Variants in PSD2 observed in about 807,000 individuals in gnomAD.
The protein encoded by PSD2 is pleckstrin and Sec7 domain containing 2, also known as PH and SEC7 domain-containing protein 2.
A neutral mutation model predicts 69.8 loss-of-function variants in PSD2; 38 were observed. The ratio of observed to expected loss-of-function variants is 0.54; its 90% confidence interval spans 0.42 to 0.71. The LOEUF (loss-of-function observed/expected upper bound fraction) is 0.71. PSD2 is among the 30% of genes least tolerant of loss of function. The probability of loss-of-function intolerance (pLI) is 0.00; values close to 1 mark genes in which losing one functional copy is unlikely to be tolerated. For synonymous variants in PSD2, 412 were observed against 423.0 expected (o/e 0.97, Z 0.32); for missense variants, 943 against 1,014.5 (o/e 0.93, Z 0.96).
the PSD2 span, among the ~76,000 whole-genome samples, chr5:139,762,247 T>G: frequency 6.6e-6 from 1 of 152,102 alleles, no homozygotes; most frequent in South Asian, 2.1e-4. Context: ...TTCACCATGT[T>G]GGTCAGGCTG....
intron 14 of PSD2, 71 bp from the exon 15 acceptor site, chr5:139,842,200 T>C (rs1760885709): frequency 1.6e-6 from 2 of 1,286,722 alleles, no homozygotes; most frequent in African/African-American, 2.9e-5. Flanking sequence ...AATTAGTCTT[T>C]TGTCATATAA....
Position 139,795,928 on chromosome 5 carries a change from C to T in PSD2, c.-98C>T, listed in dbSNP as rs2094934187. On this transcript the variant is annotated 5_prime_UTR_variant, in exon 1 of 15. Coordinates refer to ENST00000274710, the MANE Select transcript of PSD2 (RefSeq NM_032289.4). The surrounding 1 kb of genome is among the most constrained non-coding windows in gnomAD (Gnocchi z 4.5). ...GCGGGACAGGCAGCCCGGCGGCCTC[C>T]GATGGCCCCGCCGTGAGAGGCCGGA... 6.6e-6 allele frequency: 1 copy of T among 150,566 alleles called. No individual in the cohort carries two copies. Among genetic ancestry groups the T allele is most frequent in the African/African-American group, 2.4e-5 (1 of 41,264 alleles). 9.3% of individuals were successfully genotyped at this position (150,566 alleles called of 1,614,324 possible). A position where few individuals can be genotyped will look rare whatever the true frequency, so the allele number is the denominator to read the frequency against.
At chr5:139,756,629 G>T in the PSD2 span, among the ~76,000 whole-genome samples, 1 of 152,218 alleles carries the variant, frequency 6.6e-6, no homozygotes, top group Non-Finnish European at 1.5e-5. Context: ...ACTCAGCAGA[G>T]CGCCCTAGGA....
intron 7 of PSD2, among the ~76,000 whole-genome samples, chr5:139,830,573 T>C (rs372906322): frequency 0.053 from 3,660 of 69,054 alleles, 121 homozygotes; most frequent in African/African-American, 0.14. Context: ...TTCCTTTCTT[T>C]CTTTCTTTCT....
At chr5:139,819,852 T>C (rs1297312070) in intron 5 of PSD2, among the ~76,000 whole-genome samples, 1 of 151,944 alleles carries the variant, frequency 6.6e-6, no homozygotes, top group Non-Finnish European at 1.5e-5. Flanking sequence ...TGATCAGAGG[T>C]GTGGGTGCTA....
intron 8 of PSD2, among the ~76,000 whole-genome samples, chr5:139,834,586 C>A (rs1760671619): frequency 6.6e-6 from 1 of 151,992 alleles, no homozygotes; most frequent in South Asian, 2.1e-4. Context: ...CAGGCGTAAG[C>A]CACCACACCC....
chr5:139,793,738 C>T (rs1362512396), upstream of PSD2, among the ~76,000 whole-genome samples: 1 of 152,226 alleles, frequency 6.6e-6, no homozygotes, highest in Non-Finnish European at 1.5e-5. Flanking sequence ...TTAAATAGTG[C>T]ATTCCATGAG....
At chr5:139,781,548 A>G in the PSD2 span, among the ~76,000 whole-genome samples, 1 of 151,612 alleles carries the variant, frequency 6.6e-6, no homozygotes, top group Non-Finnish European at 1.5e-5. Context: ...TGTTAGCCAG[A>G]GTGGTCTTGA....
chr5:139,771,679 C>T, the PSD2 span, among the ~76,000 whole-genome samples: 1 of 152,136 alleles, frequency 6.6e-6, no homozygotes, highest in Admixed American at 6.5e-5. Flanking sequence ...CGCCCCGCAG[C>T]CTGCTTTCCT....
the PSD2 span, among the ~76,000 whole-genome samples, chr5:139,785,657 G>A: frequency 1.3e-5 from 2 of 152,186 alleles, no homozygotes; most frequent in Admixed American, 6.5e-5. Flanking sequence ...AGGAGGGCAA[G>A]GATTTTTGTG....
At chr5:139,767,284 C>T in the PSD2 span, among the ~76,000 whole-genome samples, 3 of 151,666 alleles carry the variant, frequency 2.0e-5, no homozygotes, top group Non-Finnish European at 4.4e-5. Context: ...TGAGCCACCG[C>T]ACCCAGCCAC....
At position 139,837,183 on chromosome 5, in the gene PSD2, G is replaced by A. The variant is rs1384967216; in HGVS notation, c.1610G>A (p.Arg537His). Residue 537 changes from arginine to histidine, a missense_variant, in exon 11 of 15, where the codon CGT (arginine) becomes CAT (histidine). This residue lies in a region of PSD2 where 312 missense variants were observed against 400.7 expected (regional missense o/e 0.78). Coordinates refer to ENST00000274710, the MANE Select transcript of PSD2 (RefSeq NM_032289.4). The surrounding 1 kb of genome is among the most constrained non-coding windows in gnomAD (Gnocchi z 5.0). ...MDGKRTPRGR[R>H]GWKKFYAVLK... The stretch of plus-strand genomic sequence containing the variant: ...TCCTCCCCAGCGCCCCGTGGGAGGC[G>A]TGGCTGGAAGAAATTCTACGCAGTG... 3.7e-6 allele frequency: 6 copies of A among 1,613,984 alleles called. No homozygotes were observed. The highest frequency in any genetic ancestry group is 1.1e-5 in the South Asian group (1 of 91,086).
At chr5:139,760,851 T>C in the PSD2 span, among the ~76,000 whole-genome samples, 10 of 152,164 alleles carry the variant, frequency 6.6e-5, no homozygotes, top group Middle Eastern at 3.4e-3. Context: ...CAATAGAGAA[T>C]GATGTACTGA....
chr5:139,802,106 A>G (rs971241112), intron 1 of PSD2, among the ~76,000 whole-genome samples: 6 of 151,804 alleles, frequency 4.0e-5, no homozygotes, highest in African/African-American at 1.5e-4. Context: ...ACAAGACTGG[A>G]CAGGGAAGAG....
At chr5:139,836,654 T>C (rs1561608052) in intron 9 of PSD2, among the ~76,000 whole-genome samples, 157 bp from the exon 10 acceptor site, 1 of 152,036 alleles carries the variant, frequency 6.6e-6, no homozygotes, top group African/African-American at 2.4e-5. Context: ...GAGATCTGGA[T>C]CTGTGGTCTG....
the PSD2 span, among the ~76,000 whole-genome samples, chr5:139,764,143 G>A: frequency 6.6e-6 from 1 of 152,186 alleles, no homozygotes; most frequent in Non-Finnish European, 1.5e-5. Context: ...GTCAGCGGGT[G>A]GCTGTTGTTG....
chr5:139,819,646 C>T (rs1410442565), intron 5 of PSD2, among the ~76,000 whole-genome samples: 1 of 152,190 alleles, frequency 6.6e-6, no homozygotes, highest in African/African-American at 2.4e-5. Flanking sequence ...CCGCAGTTCT[C>T]TCCTCTCCAG....
chr5:139,823,665 C>G (rs750793345), intron 7 of PSD2, among the ~76,000 whole-genome samples: 6 of 152,194 alleles, frequency 3.9e-5, no homozygotes, highest in Non-Finnish European at 7.3e-5. Context: ...ATAATGATCT[C>G]CCTGCGGTGT....
In PSD2 at chr5:139,837,338, T is replaced by C; in HGVS notation, c.1665+100T>C. ...CGAAGCCCCAGGCAGGACCTGGGGC[T>C]CAGGCACATGCTGGGTCCTTCCCCA... On this transcript the variant is annotated intron_variant, in intron 11 of 14. Coordinates refer to ENST00000274710, the MANE Select transcript of PSD2 (RefSeq NM_032289.4). The surrounding 1 kb of genome is among the most constrained non-coding windows in gnomAD (Gnocchi z 5.0). 1 of 1,181,682 alleles carries C rather than the reference T, an allele frequency of 8.5e-7. No individual in the cohort carries two copies. The highest frequency in any genetic ancestry group is 2.1e-5 in the Admixed American group (1 of 48,528). The allele number at this position is 1,181,682 out of a possible 1,614,324, so 73.2% of individuals were successfully genotyped here. A position where few individuals can be genotyped will look rare whatever the true frequency, so the allele number is the denominator to read the frequency against.
Sources: gnomAD v4.1 joint callset for allele counts (sites outside exome capture counted in the v4.1 genomes callset) on GRCh38, gnomAD v4.1.1 for gene constraint, gnomAD v4.1.1 regional missense constraint, Gnocchi (gnomAD v3.1) non-coding constraint, MANE v1.5 for transcripts, NCBI Gene and HGNC (gene_info 2026-07-23, HGNC 2026-07-21) for gene names.